The following PCDHGB3 variants were observed in gnomAD, a reference collection of about 807,000 sequenced individuals.
PCDHGB3 encodes protocadherin gamma-B3.
PCDHGB3 carries 40 observed loss-of-function variants against 59.2 expected under a neutral mutation model. The observed-to-expected ratio is 0.68, with a 90% CI of 0.52 to 0.88. The LOEUF is 0.88. Among genes scored for constraint, PCDHGB3 ranks in the 40% least tolerant of loss-of-function variants. The pLI is 0.00. For synonymous variants in PCDHGB3, 581 were observed against 503.6 expected, an observed-to-expected ratio of 1.15 and a Z score of -2.06; for missense variants, 1,309 against 1,187.9, an observed-to-expected ratio of 1.10 and a Z score of -1.50.
At position 141,371,032 on chromosome 5, in the gene PCDHGB3, C is replaced by G. The variant is rs547337082; in HGVS notation, c.638C>G (p.Thr213Arg). 1 of 1,614,002 alleles carries G rather than the reference C, an allele frequency of 6.2e-7. No individual in the cohort carries two copies. Among genetic ancestry groups the G allele is most frequent in the South Asian group, 1.1e-5 (1 of 91,090 alleles). ...CAGCCACATCACCACCTGGTCCTCACAGCTGTGGATGGGGGCGAGCCCTCC... is the reference window on the plus strand; with the variant it reads ...CAGCCACATCACCACCTGGTCCTCAGAGCTGTGGATGGGGGCGAGCCCTCC... ...EEQPHHHLVL[T>R]AVDGGEPSRS... Residue 213 changes from threonine (T) to arginine (R), a missense_variant, in exon 1 of 4, where the codon ACA becomes AGA. Physicochemically the swap from Thr to Arg is moderately conservative, Grantham distance 71. Coordinates refer to ENST00000576222, the MANE Select transcript of PCDHGB3 (RefSeq NM_018924.5).
At chr5:141,404,323 C>G (rs777252767) in intron 1 of PCDHGB3, 24 of 1,613,756 alleles carry the variant, frequency 1.5e-5, no homozygotes, top group Non-Finnish European at 2.0e-5. Flanking sequence ...AAGCCTCCTA[C>G]TCAGTCTACC....
chr5:141,468,463 T>G (rs574151637), intron 1 of PCDHGB3: 6 of 152,282 alleles, frequency 3.9e-5, no homozygotes, highest in African/African-American at 1.4e-4. Flanking sequence ...AGCAAGTTAT[T>G]TCTGAGGAGA....
At chr5:141,492,384 C>T (rs1001189412) in intron 1 of PCDHGB3, among the ~76,000 whole-genome samples, 1 of 152,230 alleles carries the variant, frequency 6.6e-6, no homozygotes, top group African/African-American at 2.4e-5. Context: ...AGGCCTGTTC[C>T]GGTCCACTCG....
intron 1 of PCDHGB3, chr5:141,417,493 G>A (rs1463793261): frequency 4.7e-6 from 1 of 214,978 alleles, no homozygotes; most frequent in East Asian, 1.1e-4. Context: ...GAATCACTGA[G>A]GAAAAAGATT....
At chr5:141,505,604 G>T (rs772730114) in intron 3 of PCDHGB3, 123 bp downstream of exon 3, 1 of 1,535,418 alleles carries the variant, frequency 6.5e-7, no homozygotes, top group Non-Finnish European at 8.8e-7. Flanking sequence ...CTTTCGGCAG[G>T]TCTGAAAGGA....
intron 1 of PCDHGB3, among the ~76,000 whole-genome samples, chr5:141,483,630 G>A (rs2099583876): frequency 6.7e-6 from 1 of 149,714 alleles, no homozygotes; most frequent in African/African-American, 2.5e-5. Flanking sequence ...ATGGGAGAAG[G>A]TATAGAGGGG....
At chr5:141,464,729 G>T (rs1412585185) in intron 1 of PCDHGB3, among the ~76,000 whole-genome samples, 1 of 151,948 alleles carries the variant, frequency 6.6e-6, no homozygotes, top group Non-Finnish European at 1.5e-5. Context: ...ATGTTTAAAA[G>T]CCAGTTTATA....
At chr5:141,464,426 G>GAT (rs1287556960) in intron 1 of PCDHGB3, among the ~76,000 whole-genome samples, 1 of 151,096 alleles carries the variant, frequency 6.6e-6, no homozygotes, top group African/African-American at 2.4e-5. Flanking sequence ...TATATATATA[G>GAT]ATATATATGT....
At chr5:141,441,718 C>A in intron 1 of PCDHGB3, 1 of 344,940 alleles carries the variant, frequency 2.9e-6, no homozygotes, top group Non-Finnish European at 5.7e-6. Flanking sequence ...ACGCTGCAGG[C>A]CCGCGACCAG....
intron 1 of PCDHGB3, chr5:141,423,181 C>T: frequency 1.2e-6 from 2 of 1,613,578 alleles, no homozygotes; most frequent in East Asian, 2.2e-5. Flanking sequence ...GGACCACGGC[C>T]AGCCCCCTCT....
rs1187072972 is a variant in PCDHGB3 at position 141,487,553 on chromosome 5, C to T, written c.2416-7254C>T. 4 of 1,614,050 alleles carry T rather than the reference C, an allele frequency of 2.5e-6. No individual in the cohort carries two copies. The African/African-American group carries it at 4.0e-5, about 16-fold the overall frequency. On this transcript the variant is annotated intron_variant, in intron 1 of 3. Coordinates refer to ENST00000576222, the MANE Select transcript of PCDHGB3 (RefSeq NM_018924.5). The surrounding 1 kb of genome is among the most constrained non-coding windows in gnomAD (Gnocchi z 5.0). ...CATGATGGTGAAGTCACCCAGTGCA[C>T]CTATGGCAGGGGAGCCTGTTCGCCC...
intron 1 of PCDHGB3, chr5:141,427,590 C>G (rs768990626): frequency 5.9e-6 from 4 of 678,892 alleles, no homozygotes; most frequent in Non-Finnish European, 1.1e-5. Flanking sequence ...CAGCACAAGC[C>G]TCACCCTACG....
intron 1 of PCDHGB3, chr5:141,433,186 G>A (rs753657435): frequency 1.4e-5 from 23 of 1,601,378 alleles, no homozygotes; most frequent in Non-Finnish European, 1.9e-5. Context: ...TAATTGAGGT[G>A]AGTTTATATC....
At chr5:141,389,997 A>T (rs1278035747) in intron 1 of PCDHGB3, 1 of 1,613,962 alleles carries the variant, frequency 6.2e-7, no homozygotes, top group Non-Finnish European at 8.5e-7. Flanking sequence ...CCTCGTGGCC[A>T]TGATTCTGGC....
rs2099748032 is a variant in PCDHGB3 at position 141,493,397 on chromosome 5, G to A, written c.2416-1410G>A. ...TTAAAAGCTTGAGGACAGGAGAGGG[G>A]AGTTGCCTCTGCTGGGATTTTGCTT... On this transcript the variant is annotated intron_variant, in intron 1 of 3. Coordinates refer to ENST00000576222, the MANE Select transcript of PCDHGB3 (RefSeq NM_018924.5). This position sits in a 1 kb window ranked among gnomAD's most constrained non-coding sequence, Gnocchi z 4.3. Among the ~76,000 whole-genome samples the A allele has an allele frequency of 6.6e-6, 1 of 152,176 alleles. No individual in the cohort carries two copies. Among genetic ancestry groups the A allele is most frequent in the Non-Finnish European group, 1.5e-5 (1 of 68,040 alleles).
At chr5:141,403,513 T>C (rs754840157) in intron 1 of PCDHGB3, 1 of 1,613,714 alleles carries the variant, frequency 6.2e-7, no homozygotes, top group East Asian at 2.2e-5. Flanking sequence ...CTGGAGACAA[T>C]GGAGCCATAA....
chr5:141,376,294 C>G lies in PCDHGB3; in HGVS notation c.2415+3485C>G, dbSNP rs572453488. Reference sequence around the variant, plus strand: ...GAGGTGGCTTAGCGAGCATGCCCGGCTCGCACTTTGTGGGCGTGGAAGGGG... The same window carrying G: ...GAGGTGGCTTAGCGAGCATGCCCGGGTCGCACTTTGTGGGCGTGGAAGGGG... On this transcript the variant is annotated intron_variant, in intron 1 of 3. Transcript: ENST00000576222. 8.7e-6 allele frequency: 14 copies of G among 1,614,226 alleles called. No individual in the cohort carries two copies. The Admixed American group carries it at 2.3e-4, about 27-fold the overall frequency.
chr5:141,496,723 T>G (rs1312615861), intron 2 of PCDHGB3, among the ~76,000 whole-genome samples: 3 of 152,212 alleles, frequency 2.0e-5, no homozygotes, highest in Non-Finnish European at 4.4e-5. Context: ...AAGTCATTAA[T>G]GTATTCATTC....
intron 1 of PCDHGB3, among the ~76,000 whole-genome samples, chr5:141,435,619 T>A (rs2097772280): frequency 6.6e-6 from 1 of 152,190 alleles, no homozygotes; most frequent in Non-Finnish European, 1.5e-5. Context: ...AAATTCCCCA[T>A]AACTTTTACA....
Sources: gnomAD v4.1 joint callset for allele counts (sites outside exome capture counted in the v4.1 genomes callset) on GRCh38, gnomAD v4.1.1 for gene constraint, Gnocchi (gnomAD v3.1) non-coding constraint, MANE v1.5 for transcripts, NCBI Gene and HGNC (gene_info 2026-07-23, HGNC 2026-07-21) for gene names.